Variants in RGPD1 observed in about 807,000 individuals in gnomAD.
RGPD1 encodes RANBP2 like and GRIP domain containing 1.
Under a neutral mutation model 40.6 loss-of-function variants are expected in RGPD1, and 7 were observed. The observed-to-expected ratio is 0.17, with a 90% CI of 0.10 to 0.32. The LOEUF (loss-of-function observed/expected upper bound fraction) is 0.32, where lower values mean the gene tolerates loss of function less well. Among genes scored for constraint, RGPD1 ranks in the 10% least tolerant of loss-of-function variants. The pLI, the probability that RGPD1 is intolerant of heterozygous loss-of-function variation, is 1.00. For missense variants in RGPD1, 50 were observed against 472.5 expected (o/e 0.11, Z 8.29); for synonymous variants, 24 against 167.0 (o/e 0.14, Z 6.60).
chr2:86,913,723 CA>C, upstream of RGPD1: 1 of 1,345,538 alleles, frequency 7.4e-7, no homozygotes, highest in Non-Finnish European at 9.9e-7. Context: ...ACGCAGTACA[CA>C]AGTGCGTCAC....
chr2:86,931,696 C>G (rs1033612304), intron 1 of RGPD1, among the ~76,000 whole-genome samples: 2 of 151,402 alleles, frequency 1.3e-5, no homozygotes, highest in Non-Finnish European at 2.9e-5. Context: ...TCTTGAATGG[C>G]AAATAAATAA....
At chr2:87,002,915 C>G (rs2104858611) in intron 22 of RGPD1, 1 of 139,638 alleles carries the variant, frequency 7.2e-6, no homozygotes, top group African/African-American at 3.0e-5. Context: ...CAGTAGAATA[C>G]AGCAAAAATG....
chr2:86,914,772 GCGGCGGCGGCGGCCTCCACCTGGAC>G (rs1677698466), intron 1 of RGPD1, among the ~76,000 whole-genome samples: 2 of 12,530 alleles, frequency 1.6e-4, no homozygotes, highest in Non-Finnish European at 2.6e-4. Flanking sequence ...TGGCCGGGCG[GCGGCGGCGGCGGCCTCCACCTGGAC>G]GGGCGGCGGC....
At chr2:86,960,097 T>C (rs1680872231) in intron 6 of RGPD1, among the ~76,000 whole-genome samples, 1 of 83,922 alleles carries the variant, frequency 1.2e-5, no homozygotes, top group East Asian at 3.7e-4. Context: ...AGGGGGAGGC[T>C]CAGGAGGGGA....
At chr2:86,940,984 A>G (rs1427150845), upstream of RGPD1, among the ~76,000 whole-genome samples, 3 of 151,986 alleles carry the variant, frequency 2.0e-5, no homozygotes, top group African/African-American at 7.2e-5. Flanking sequence ...TGGTTGAAAT[A>G]AAACAAAATG....
chr2:86,945,551 A>G (rs562727253), intron 1 of RGPD1, among the ~76,000 whole-genome samples: 1 of 152,230 alleles, frequency 6.6e-6, no homozygotes, highest in East Asian at 1.9e-4. Context: ...ATATCTTTCT[A>G]GTCTTCCATT....
At chr2:86,925,890 C>A (rs1485187720) in intron 1 of RGPD1, among the ~76,000 whole-genome samples, 1 of 152,196 alleles carries the variant, frequency 6.6e-6, no homozygotes, top group African/African-American at 2.4e-5. Context: ...TATATAGTGA[C>A]CATTTTGCAC....
At chr2:87,000,349 C>G (rs1448493023) in intron 22 of RGPD1, among the ~76,000 whole-genome samples, 2 of 120,004 alleles carry the variant, frequency 1.7e-5, no homozygotes, top group Non-Finnish European at 3.2e-5. Flanking sequence ...TTGCTAACGT[C>G]CAGGTGGCTC....
chr2:86,942,483 GGGC>G (rs1368045303), intron 1 of RGPD1, among the ~76,000 whole-genome samples, 175 bp downstream of exon 1: 2 of 121,992 alleles, frequency 1.6e-5, no homozygotes, highest in Non-Finnish European at 3.4e-5. Context: ...CGACCTGGCC[GGGC>G]GGCGGCGGCG....
At chr2:86,939,594 G>A (rs1253332341), upstream of RGPD1, among the ~76,000 whole-genome samples, 94 of 107,356 alleles carry the variant, frequency 8.8e-4, no homozygotes, top group African/African-American at 3.4e-3. Flanking sequence ...AAAAAAAAAA[G>A]AAAGAAAGAA....
At chr2:86,943,290 C>A (rs1341971572) in intron 1 of RGPD1, among the ~76,000 whole-genome samples, 1 of 123,188 alleles carries the variant, frequency 8.1e-6, no homozygotes, top group Non-Finnish European at 1.7e-5. Context: ...CCCCACCCCG[C>A]CCAGAACACT....
intron 1 of RGPD1, among the ~76,000 whole-genome samples, chr2:86,924,802 C>T (rs373615586): frequency 2.6e-5 from 4 of 151,034 alleles, no homozygotes; most frequent in Non-Finnish European, 5.9e-5. Context: ...AATTAAAATT[C>T]ACATCTGTAA....
At chr2:87,008,896 GACAC>G (rs1347559776) in intron 22 of RGPD1, among the ~76,000 whole-genome samples, 1 of 91,682 alleles carries the variant, frequency 1.1e-5, no homozygotes, top group Non-Finnish European at 2.1e-5. Context: ...TTCAAAAGCT[GACAC>G]ACAATGAGAG....
At chr2:86,997,150 C>T (rs927381553) in intron 21 of RGPD1, among the ~76,000 whole-genome samples, 2 of 146,856 alleles carry the variant, frequency 1.4e-5, no homozygotes, top group Non-Finnish European at 3.0e-5. Flanking sequence ...ATCTGTTTCT[C>T]GTGAGAATGT....
At chr2:86,932,311 A>AT (rs1679049865) in intron 1 of RGPD1, among the ~76,000 whole-genome samples, 1 of 61,162 alleles carries the variant, frequency 1.6e-5, no homozygotes, top group South Asian at 5.6e-4. Flanking sequence ...AAATATTAAA[A>AT]TTTTAATGTA....
At position 86,924,530 on chromosome 2, in the gene RGPD1, A is replaced by G. The variant is rs1255229008; in HGVS notation, c.72+10609A>G. ...GCCTACGCCGGACTGCAGTGATGCT[A>G]TCGTAGTTGGCTGTAATCTCGAACT... On this transcript the variant is annotated intron_variant, in intron 1 of 22. Coordinates refer to the RGPD1 transcript ENST00000398193. 1.5e-4 allele frequency among the ~76,000 whole-genome samples: 23 copies of G among 150,650 alleles called. 1 individual carries two copies. The highest frequency in any genetic ancestry group is 5.3e-4 in the Admixed American group (8 of 15,082).
rs924686474 is a variant in RGPD1, at chr2:86,918,139, A to G, written c.72+4218A>G. Among the ~76,000 whole-genome samples, 9 of 150,972 alleles carry G rather than the reference A, an allele frequency of 6.0e-5. 1 individual carries two copies. In the East Asian group the frequency reaches 1.7e-3, roughly 29 times the overall value. ...GATGTGAAGAGGAAGGTTTGATTTG[A>G]GGGAGATTTAAAGTACTTTAGCCGA... On this transcript the variant is annotated intron_variant, in intron 1 of 22. Coordinates refer to the RGPD1 transcript ENST00000398193.
Position 86,942,153 on chromosome 2 carries a change from T to C in RGPD1, c.-84T>C, listed in dbSNP as rs1679828906. The C allele has an allele frequency of 6.6e-7, 1 of 1,513,308 alleles. No homozygotes were observed. The highest frequency in any genetic ancestry group is 8.9e-7 in the Non-Finnish European group (1 of 1,124,972). 93.7% of individuals were successfully genotyped at this position (1,513,308 alleles called of 1,614,324 possible). ...CCTCCGCCGGCTACGTCAGTGGCTT[T>C]CAGGCGCTTTCCTGTTGGAATTGGC... On this transcript the variant is annotated 5_prime_UTR_variant, in exon 1 of 23. Coordinates refer to ENST00000641458, the MANE Select transcript of RGPD1 (RefSeq NM_001382344.1).
At chr2:86,924,774 T>A (rs112286702) in intron 1 of RGPD1, among the ~76,000 whole-genome samples, 1 of 151,476 alleles carries the variant, frequency 6.6e-6, no homozygotes, top group Admixed American at 6.6e-5. Flanking sequence ...TTCTTTTAAT[T>A]TAATTTAATT....
Sources: gnomAD v4.1 joint callset for allele counts (sites outside exome capture counted in the v4.1 genomes callset) on GRCh38, gnomAD v4.1.1 for gene constraint, MANE v1.5 for transcripts, NCBI Gene and HGNC (gene_info 2026-07-23, HGNC 2026-07-21) for gene names.